The following HEATR1 variants were observed in gnomAD, a reference collection of about 807,000 sequenced individuals.
The protein encoded by HEATR1 is HEAT repeat containing 1, also known as HEAT repeat-containing protein 1.
HEATR1 carries 77 observed loss-of-function variants against 248.2 expected under a neutral mutation model. The observed-to-expected ratio is 0.31, with a 90% confidence interval of 0.26 to 0.37. The LOEUF (loss-of-function observed/expected upper bound fraction) is 0.37, where lower values mean the gene tolerates loss of function less well. Among genes scored for constraint, HEATR1 ranks in the 10% least tolerant of loss-of-function variants. HEATR1 has a pLI of 1.00. For synonymous variants in HEATR1, 897 were observed against 923.1 expected, an observed-to-expected ratio of 0.97 and a Z score of 0.51; for missense variants, 2,420 against 2,504.9, an observed-to-expected ratio of 0.97 and a Z score of 0.72.
At chr1:236,553,344 T>C (rs1036071146) in intron 43 of HEATR1, among the ~76,000 whole-genome samples, 1 of 152,210 alleles carries the variant, frequency 6.6e-6, no homozygotes. Context: ...CAACGCACCA[T>C]TGGGGTGGGG....
chr1:236,585,372 T>G (rs1663858265), intron 16 of HEATR1, among the ~76,000 whole-genome samples, 156 bp from the exon 17 acceptor site: 1 of 152,228 alleles, frequency 6.6e-6, no homozygotes, highest in Non-Finnish European at 1.5e-5. Context: ...TTCTAAGTAA[T>G]TATAAGAATA....
intron 20 of HEATR1, among the ~76,000 whole-genome samples, chr1:236,578,206 T>A (rs1558185690): frequency 6.6e-6 from 1 of 152,346 alleles, no homozygotes; most frequent in Admixed American, 6.5e-5. Flanking sequence ...GAAATTTCTA[T>A]CTAAGGAATG....
chr1:236,575,546 A>G (rs1663543286), intron 22 of HEATR1, among the ~76,000 whole-genome samples: 1 of 152,212 alleles, frequency 6.6e-6, no homozygotes, highest in African/African-American at 2.4e-5. Flanking sequence ...AATTTAAACT[A>G]TACCAGGGAC....
At chr1:236,584,995 C>T in intron 17 of HEATR1, 30 bp downstream of exon 17, 1 of 1,581,572 alleles carries the variant, frequency 6.3e-7, no homozygotes, top group Non-Finnish European at 8.6e-7. Flanking sequence ...TATTCAACAT[C>T]CCACTTTCTG....
intron 33 of HEATR1, 94 bp from the exon 34 acceptor site, chr1:236,559,931 A>G: frequency 7.7e-7 from 1 of 1,305,088 alleles, no homozygotes; most frequent in Non-Finnish European, 1.0e-6. Flanking sequence ...AAGTAGAAAG[A>G]CGAGTTAAAT....
At chr1:236,583,321 C>T (rs952895936) in intron 17 of HEATR1, 125 bp from the exon 18 acceptor site, 7 of 757,164 alleles carry the variant, frequency 9.2e-6, no homozygotes, top group Non-Finnish European at 1.3e-5. Context: ...AAAGGATTAA[C>T]AGAACTGCTT....
At chr1:236,593,584 G>GAAAAAAAAAAAA (rs534009257) in intron 9 of HEATR1, among the ~76,000 whole-genome samples, 8 of 90,806 alleles carry the variant, frequency 8.8e-5, no homozygotes, top group Non-Finnish European at 1.3e-4. Context: ...CCCATTAAGA[G>GAAAAAAAAAAAA]AAAAAAAAAA....
At chr1:236,566,904 G>GT in intron 29 of HEATR1, 28 bp from the exon 30 acceptor site, 1 of 1,439,450 alleles carries the variant, frequency 6.9e-7, no homozygotes, top group Non-Finnish European at 9.8e-7. Context: ...GAGACAATGA[G>GT]TAGGTGCAAG....
chr1:236,568,653 C>G (rs1391703541), intron 29 of HEATR1, among the ~76,000 whole-genome samples: 23 of 152,268 alleles, frequency 1.5e-4, no homozygotes, highest in Non-Finnish European at 4.4e-5. Flanking sequence ...AAGGTATTAT[C>G]AAACTGATGC....
At position 236,596,893 on chromosome 1, in the gene HEATR1, T is replaced by C. The variant is rs1664191863; in HGVS notation, c.687A>G (p.Val229=). 2 of 1,614,134 alleles carry C rather than the reference T, an allele frequency of 1.2e-6. No homozygotes were observed. Among genetic ancestry groups the C allele is most frequent in the East Asian group, 2.2e-5 (1 of 44,878 alleles). Residue 229 remains valine (V), a synonymous_variant, in exon 6 of 45, where the codon GTA becomes GTG. Transcript: ENST00000366582. ...FYASTIVSAL[V]AAEDVSDNII... ...TATTGTCTGATACGTCCTCTGCAGC[T>C]ACCAGCGCCGACACTATGGTAGAAG...
In HEATR1 at chr1:236,603,133, AGTTATTTCT is replaced by A; in HGVS notation, c.359+18_359+26del. On this transcript the variant is annotated intron_variant, in intron 3 of 44. Transcript: ENST00000366582. The stretch of plus-strand genomic sequence containing the variant: ...TACAAGACCAAAGTGATTAACCCAT[AGTTATTTCT>A]GTAATTCTATTAGCTACCTGTGAAT... 1 of 1,545,402 alleles carries A rather than the reference AGTTATTTCT, an allele frequency of 6.5e-7. No homozygotes were observed. Among genetic ancestry groups the A allele is most frequent in the Non-Finnish European group, 8.9e-7 (1 of 1,117,832 alleles).
intron 24 of HEATR1, 55 bp downstream of exon 24, chr1:236,574,147 C>T: frequency 6.7e-7 from 1 of 1,503,482 alleles, no homozygotes; most frequent in South Asian, 1.3e-5. Flanking sequence ...CATGGTGTCC[C>T]TTGGAAGAGA....
intron 43 of HEATR1, chr1:236,553,076 ACT>A (rs1372448893): frequency 6.6e-6 from 1 of 152,276 alleles, no homozygotes; most frequent in Non-Finnish European, 1.5e-5. Context: ...AATTCGTAAC[ACT>A]TGGGTGTCAA....
rs778897010 is a variant in HEATR1, at chr1:236,585,946, A to G, written c.1928-5T>C. 4 of 1,613,094 alleles carry G rather than the reference A, an allele frequency of 2.5e-6. No homozygotes were observed. Among genetic ancestry groups the G allele is most frequent in the Middle Eastern group, 1.7e-4 (1 of 6,056 alleles). On this transcript the variant is annotated splice_polypyrimidine_tract_variant and splice_region_variant and intron_variant, in intron 15 of 44. Coordinates refer to ENST00000366582, the MANE Select transcript of HEATR1 (RefSeq NM_018072.6). ...TTTTAATTACATTTTCAAGAGCTGT[A>G]AAGTAAAATCGAATGCAGAGAGCTC... is the stretch of plus-strand genomic sequence containing the variant.
chr1:236,581,168 G>A (rs1476085504), intron 20 of HEATR1, 54 bp downstream of exon 20: 4 of 1,429,136 alleles, frequency 2.8e-6, no homozygotes, highest in Non-Finnish European at 3.9e-6. Context: ...AAACCATATA[G>A]AGAAAGCATG....
intron 32 of HEATR1, 145 bp from the exon 33 acceptor site, chr1:236,561,416 C>T (rs1270044038): frequency 1.5e-6 from 1 of 674,806 alleles, no homozygotes; most frequent in Non-Finnish European, 2.7e-6. Flanking sequence ...AGGTTCATAT[C>T]ATCTTCATTA....
intron 32 of HEATR1, among the ~76,000 whole-genome samples, chr1:236,563,868 A>T (rs1444439109): frequency 6.6e-6 from 1 of 152,218 alleles, no homozygotes; most frequent in African/African-American, 2.4e-5. Context: ...TAATCCCAGC[A>T]CTATGGGAAC....
intron 3 of HEATR1, 83 bp from the exon 4 acceptor site, chr1:236,599,707 T>C: frequency 7.8e-7 from 1 of 1,280,428 alleles, no homozygotes; most frequent in Non-Finnish European, 1.1e-6. Context: ...AACTGTATTA[T>C]TAATAAGCTA....
In HEATR1 at chr1:236,554,666, G is replaced by T. The variant is rs201968820; in HGVS notation, c.6010C>A (p.Leu2004Ile). The change falls in exon 42 of 45, where the codon CTT becomes ATT. Residue 2004 changes from leucine (L) to isoleucine (I), a missense_variant. Coordinates refer to ENST00000366582, the MANE Select transcript of HEATR1 (RefSeq NM_018072.6). Reference protein sequence around the residue: ...FILNCLYKIFLFDTQHFISKE... With the variant: ...FILNCLYKIFIFDTQHFISKE... ...CTTATAAAATGCTGGGTATCAAAAA[G>T]GAAGATTTTGTATAAACAGTTCAAA... 1.2e-5 allele frequency: 20 copies of T among 1,613,308 alleles called. No homozygotes were observed. The highest frequency in any genetic ancestry group is 1.7e-6 in the Non-Finnish European group (2 of 1,179,718).
Sources: gnomAD v4.1 joint callset for allele counts (sites outside exome capture counted in the v4.1 genomes callset) on GRCh38, gnomAD v4.1.1 for gene constraint, MANE v1.5 for transcripts, NCBI Gene and HGNC (gene_info 2026-07-23, HGNC 2026-07-21) for gene names.